Variants in NRDC observed in about 807,000 individuals in gnomAD.
NRDC encodes the protein nardilysin convertase.
A neutral mutation model predicts 147.1 loss-of-function variants in NRDC; 54 were observed. The observed-to-expected ratio is 0.37, with a 90% CI of 0.29 to 0.46. The LOEUF is 0.46. Ranked by LOEUF, NRDC falls within the 20% of genes least tolerant of loss-of-function variation. The pLI is 1.00. For synonymous variants in NRDC, 440 were observed against 482.1 expected (o/e 0.91, Z 1.14); for missense variants, 1,082 against 1,370.6 (o/e 0.79, Z 3.33).
chr1:51,843,971 A>G, intron 1 of NRDC, among the ~76,000 whole-genome samples: 1 of 152,268 alleles, frequency 6.6e-6, no homozygotes, highest in East Asian at 1.9e-4. Flanking sequence ...AAATCTAAAA[A>G]TCTACTATCA....
chr1:51,822,919 A>G (rs2149209951), intron 7 of NRDC, among the ~76,000 whole-genome samples: 1 of 152,342 alleles, frequency 6.6e-6, no homozygotes. Flanking sequence ...GCAAAACTTT[A>G]TAAAAAGGGG....
intron 13 of NRDC, 79 bp downstream of exon 13, chr1:51,814,471 TA>T: frequency 7.2e-7 from 1 of 1,383,756 alleles, no homozygotes; most frequent in Admixed American, 1.9e-5. Flanking sequence ...AAGGCAAGAC[TA>T]AAGCATGTCT....
At chr1:51,813,318 A>G (rs1331487177) in intron 14 of NRDC, among the ~76,000 whole-genome samples, 1 of 152,246 alleles carries the variant, frequency 6.6e-6, no homozygotes, top group Non-Finnish European at 1.5e-5. Flanking sequence ...TAAAACTGAC[A>G]GGTCCTTCAG....
chr1:51,857,974 G>A (rs1682335084), intron 1 of NRDC, among the ~76,000 whole-genome samples: 1 of 152,056 alleles, frequency 6.6e-6, no homozygotes. Context: ...TAGCTATAAG[G>A]TAGAATGTAT....
intron 1 of NRDC, 117 bp from the exon 2 acceptor site, chr1:51,840,631 A>G: frequency 1.5e-6 from 1 of 681,890 alleles, no homozygotes. Flanking sequence ...AAACACACAC[A>G]CACACAACTA....
chr1:51,878,239 A>G (rs916033196), intron 1 of NRDC, 36 bp downstream of exon 1: 28 of 1,574,152 alleles, frequency 1.8e-5, no homozygotes, highest in Non-Finnish European at 2.3e-5. Context: ...AAGCCGGCAC[A>G]CTGTTCGCCT....
intron 25 of NRDC, 101 bp from the exon 26 acceptor site, chr1:51,792,199 CT>C (rs1678689016): frequency 6.7e-7 from 1 of 1,495,666 alleles, no homozygotes; most frequent in East Asian, 2.3e-5. Context: ...TCCAGCCTCC[CT>C]TAGTGCCTTT....
At chr1:51,831,493 T>A (rs1042547730) in intron 4 of NRDC, among the ~76,000 whole-genome samples, 3 of 152,160 alleles carry the variant, frequency 2.0e-5, no homozygotes, top group African/African-American at 7.2e-5. Context: ...ATGGTTAAAG[T>A]CTCCTCTGAA....
chr1:51,814,168 G>A (rs977957226), intron 13 of NRDC, 79 bp from the exon 14 acceptor site: 2 of 877,744 alleles, frequency 2.3e-6, no homozygotes, highest in Non-Finnish European at 3.8e-6. Context: ...AGGAGGGAGA[G>A]GATCAGAAAA....
chr1:51,814,651 A>G, intron 12 of NRDC, 42 bp from the exon 13 acceptor site: 2 of 1,607,114 alleles, frequency 1.2e-6, no homozygotes, highest in Non-Finnish European at 1.7e-6. Context: ...ATAAAGTGAT[A>G]TCTACGTAAA....
chr1:51,862,334 C>T (rs1158739733), intron 1 of NRDC: 1 of 151,646 alleles, frequency 6.6e-6, no homozygotes, highest in African/African-American at 2.4e-5. Context: ...GCAGGAGGAT[C>T]ACTTGAGCCT....
At chr1:51,829,189 A>C (rs1287846801) in intron 4 of NRDC, among the ~76,000 whole-genome samples, 2 of 152,102 alleles carry the variant, frequency 1.3e-5, no homozygotes, top group Non-Finnish European at 2.9e-5. Flanking sequence ...TCAGCATCCC[A>C]AGTAGCTGAG....
At chr1:51,831,907 AAC>A (rs1367365846) in intron 4 of NRDC, among the ~76,000 whole-genome samples, 1 of 152,024 alleles carries the variant, frequency 6.6e-6, no homozygotes, top group African/African-American at 2.4e-5. Flanking sequence ...CAGCCTGGGC[AAC>A]AGAGTGAGAC....
intron 1 of NRDC, among the ~76,000 whole-genome samples, chr1:51,848,347 G>A (rs998221704): frequency 1.4e-4 from 22 of 152,070 alleles, no homozygotes; most frequent in Admixed American, 3.9e-4. Context: ...CAGGCGTGGT[G>A]GCAGGCGCCT....
chr1:51,815,182 CTTTTTTT>C (rs869244434), intron 11 of NRDC, among the ~76,000 whole-genome samples: 23 of 125,534 alleles, frequency 1.8e-4, no homozygotes, highest in Admixed American at 3.2e-4. Context: ...ACCTTTTTTT[CTTTTTTT>C]TTTTTTTTTT....
At chr1:51,848,405 C>T (rs191668049) in intron 1 of NRDC, among the ~76,000 whole-genome samples, 35 of 152,158 alleles carry the variant, frequency 2.3e-4, no homozygotes, top group Non-Finnish European at 4.4e-4. Flanking sequence ...GGCGTGAACC[C>T]GGGAGGCGGA....
chr1:51,866,372 A>C (rs749444709), intron 1 of NRDC, among the ~76,000 whole-genome samples: 17 of 152,240 alleles, frequency 1.1e-4, no homozygotes, highest in Non-Finnish European at 1.9e-4. Flanking sequence ...AGTGAGGTTA[A>C]AAATGAGTAT....
chr1:51,834,079 A>G lies in NRDC; in HGVS notation c.804T>C (p.Asp268=), dbSNP rs1680834716. 1.2e-6 allele frequency: 2 copies of G among 1,614,122 alleles called. No individual in the cohort carries two copies. The highest frequency in any genetic ancestry group is 1.3e-5 in the African/African-American group (1 of 75,046). ...KHGGSDNAST[D]CERTVFQFDV... ...CAAACTGAAAGACAGTGCGTTCACAATCAGTTGAGGCATTATCACTACCCC... is the reference window on the plus strand; with the variant it reads ...CAAACTGAAAGACAGTGCGTTCACAGTCAGTTGAGGCATTATCACTACCCC... The change falls in exon 4 of 31, where the codon GAT becomes GAC. Residue 268 remains aspartate (D), a synonymous_variant. Coordinates refer to ENST00000352171, the MANE Select transcript of NRDC (RefSeq NM_001101662.2).
At chr1:51,846,604 C>G (rs1003916772) in intron 1 of NRDC, among the ~76,000 whole-genome samples, 38 of 152,180 alleles carry the variant, frequency 2.5e-4, no homozygotes, top group African/African-American at 8.9e-4. Context: ...CCTGTGGGTT[C>G]GTACTCTCGC....
Sources: gnomAD v4.1 joint callset for allele counts (sites outside exome capture counted in the v4.1 genomes callset) on GRCh38, gnomAD v4.1.1 for gene constraint, MANE v1.5 for transcripts, NCBI Gene and HGNC (gene_info 2026-07-23, HGNC 2026-07-21) for gene names.